Variants in FSD1L observed in about 807,000 individuals in gnomAD.
FSD1L encodes the protein fibronectin type III and SPRY domain containing 1 like, also known as FSD1-like protein.
In FSD1L, 45 loss-of-function variants were observed where a neutral mutation model predicts 71.6. The observed-to-expected ratio is 0.63, with a 90% CI of 0.49 to 0.81. The LOEUF (loss-of-function observed/expected upper bound fraction) is 0.81, where lower values mean the gene tolerates loss of function less well. Among genes scored for constraint, FSD1L ranks in the 30% least tolerant of loss-of-function variants. FSD1L has a pLI of 0.00. For missense variants in FSD1L, 561 were observed against 618.1 expected (o/e 0.91, Z 0.98); for synonymous variants, 197 against 207.2 (o/e 0.95, Z 0.42).
chr9:105,492,326 T>G (rs989295304), intron 7 of FSD1L, among the ~76,000 whole-genome samples: 3 of 152,200 alleles, frequency 2.0e-5, no homozygotes, highest in Non-Finnish European at 4.4e-5. Context: ...TTTGTATTTC[T>G]GTGGCATCAG....
rs572222485 is a variant in FSD1L at position 105,545,365 on chromosome 9, G to C, written c.1468-993G>C. On this transcript the variant is annotated intron_variant, in intron 13 of 13. Coordinates refer to ENST00000481272, the MANE Select transcript of FSD1L (RefSeq NM_001145313.3). ...TTCTAGATATACAATCATGTCATCT[G>C]CAAACAGGGACAATTTGACTTCCTC... Among the ~76,000 whole-genome samples the C allele has an allele frequency of 8.2e-5, 12 of 146,356 alleles. 1 individual carries two copies. The South Asian group carries it at 2.6e-3, about 32-fold the overall frequency.
At chr9:105,539,227 G>T (rs190421007) in intron 12 of FSD1L, 36 bp from the exon 13 acceptor site, 2 of 943,380 alleles carry the variant, frequency 2.1e-6, no homozygotes, top group South Asian at 3.1e-5. Flanking sequence ...ACAATTTTTT[G>T]TATAATAAAT....
chr9:105,448,801 G>T (rs1829799613), intron 1 of FSD1L, among the ~76,000 whole-genome samples: 1 of 152,218 alleles, frequency 6.6e-6, no homozygotes, highest in African/African-American at 2.4e-5. Context: ...GGAGGGAAAA[G>T]ACTTCAATTG....
chr9:105,444,006 ATAG>A (rs1368220680), upstream of FSD1L, among the ~76,000 whole-genome samples: 6 of 152,280 alleles, frequency 3.9e-5, no homozygotes, highest in African/African-American at 1.4e-4. Flanking sequence ...CAGGCCAGAT[ATAG>A]TAGCAGGGAG....
chr9:105,517,031 A>G (rs1834770265), intron 10 of FSD1L, among the ~76,000 whole-genome samples: 1 of 152,360 alleles, frequency 6.6e-6, no homozygotes, highest in African/African-American at 2.4e-5. Flanking sequence ...TGAAGCAAAC[A>G]AAAGTATCAA....
At chr9:105,530,482 C>T (rs1227044197) in intron 10 of FSD1L, 4 of 606,760 alleles carry the variant, frequency 6.6e-6, no homozygotes, top group Non-Finnish European at 1.2e-5. Context: ...CTCCATGCTT[C>T]CCTTTATTTC....
At chr9:105,462,520 ATTTTTTT>A (rs773853934) in intron 2 of FSD1L, among the ~76,000 whole-genome samples, 2 of 104,244 alleles carry the variant, frequency 1.9e-5, no homozygotes, top group Admixed American at 1.1e-4. Context: ...TGTGACTGAC[ATTTTTTT>A]TTTTTTTTTT....
chr9:105,544,736 T>C (rs1258747972), intron 13 of FSD1L, among the ~76,000 whole-genome samples: 7 of 152,220 alleles, frequency 4.6e-5, no homozygotes, highest in Non-Finnish European at 1.0e-4. Context: ...CAGATGGTTG[T>C]TGATGTGTGG....
chr9:105,522,086 C>G (rs1835205261), intron 10 of FSD1L: 1 of 1,613,290 alleles, frequency 6.2e-7, no homozygotes, highest in Non-Finnish European at 8.5e-7. Context: ...AAAATATGAC[C>G]TTGGCAGGTC....
intron 10 of FSD1L, among the ~76,000 whole-genome samples, chr9:105,518,958 A>C (rs1391239435): frequency 6.6e-6 from 1 of 152,234 alleles, no homozygotes; most frequent in Non-Finnish European, 1.5e-5. Context: ...AGATGCAATA[A>C]AAAATGATAT....
At chr9:105,522,039 A>T in intron 10 of FSD1L, 1 of 1,613,102 alleles carries the variant, frequency 6.2e-7, no homozygotes, top group South Asian at 1.1e-5. Flanking sequence ...TGTACTGAAG[A>T]TGCCATCACA....
At chr9:105,457,214 T>C (rs1349982495) in intron 1 of FSD1L, among the ~76,000 whole-genome samples, 6 of 152,226 alleles carry the variant, frequency 3.9e-5, no homozygotes, top group Admixed American at 3.9e-4. Flanking sequence ...GTGAGAGGGC[T>C]CCTAGGTAGA....
chr9:105,468,459 A>G (rs1360580002), intron 4 of FSD1L, 135 bp downstream of exon 4: 3 of 645,694 alleles, frequency 4.6e-6, no homozygotes, highest in Admixed American at 4.3e-5. Context: ...TGTTTTGGCC[A>G]TAAGTATTCT....
At chr9:105,468,679 G>A (rs1467658909) in intron 4 of FSD1L, among the ~76,000 whole-genome samples, 3 of 152,052 alleles carry the variant, frequency 2.0e-5, no homozygotes, top group Non-Finnish European at 4.4e-5. Flanking sequence ...ATTTTTAGTA[G>A]AGACGGGGTT....
intron 10 of FSD1L, among the ~76,000 whole-genome samples, chr9:105,527,647 G>T (rs1835598412): frequency 6.6e-6 from 1 of 151,418 alleles, no homozygotes; most frequent in Admixed American, 6.6e-5. Flanking sequence ...TCTATAATTT[G>T]TAACAGTGGG....
intron 1 of FSD1L, among the ~76,000 whole-genome samples, chr9:105,458,026 C>T (rs1830464433): frequency 6.6e-6 from 1 of 152,232 alleles, no homozygotes. Flanking sequence ...TGCTACACCT[C>T]TCTTGTTCCT....
chr9:105,507,889 CTTTTT>C (rs200267374), intron 8 of FSD1L, among the ~76,000 whole-genome samples: 3 of 109,246 alleles, frequency 2.7e-5, no homozygotes, highest in Non-Finnish European at 3.9e-5. Context: ...TATCACTCTT[CTTTTT>C]TTTTTTTTTT....
At chr9:105,507,688 T>G (rs1246802231) in intron 8 of FSD1L, among the ~76,000 whole-genome samples, 1 of 152,194 alleles carries the variant, frequency 6.6e-6, no homozygotes, top group East Asian at 1.9e-4. Context: ...ATATAAAAAT[T>G]ATTTAGGGTG....
At chr9:105,481,430 A>G (rs1588974782) in intron 6 of FSD1L, among the ~76,000 whole-genome samples, 2 of 149,912 alleles carry the variant, frequency 1.3e-5, no homozygotes, top group South Asian at 4.2e-4. Context: ...GATTACAGGC[A>G]CCTGCCACCA....
Sources: gnomAD v4.1 joint callset for allele counts (sites outside exome capture counted in the v4.1 genomes callset) on GRCh38, gnomAD v4.1.1 for gene constraint, MANE v1.5 for transcripts, NCBI Gene and HGNC (gene_info 2026-07-23, HGNC 2026-07-21) for gene names.